DDHD1: variants seen among roughly 807,000 people sequenced by gnomAD.
DDHD1 encodes phospholipase DDHD1.
DDHD1 carries 49 observed loss-of-function variants against 96.4 expected under a neutral mutation model. The ratio of observed to expected loss-of-function variants is 0.51; its 90% CI spans 0.40 to 0.64. DDHD1 has a LOEUF of 0.64. Among genes scored for constraint, DDHD1 ranks in the 30% least tolerant of loss-of-function variants. The pLI is 0.00. For synonymous variants in DDHD1, 442 were observed against 446.5 expected (o/e 0.99, Z 0.13); for missense variants, 1,106 against 1,161.2 (o/e 0.95, Z 0.69).
rs565191591 is a variant in DDHD1, at chr14:53,095,586, C to G, written c.1013-2142G>C. ...ACATTACTAACACTGTACACCAGATCAAGATTCAATTAACATAATAAACAT... is the reference window on the plus strand; with the variant it reads ...ACATTACTAACACTGTACACCAGATGAAGATTCAATTAACATAATAAACAT... On this transcript the variant is annotated intron_variant, in intron 2 of 12. Transcript: ENST00000673822. 1.2e-4 allele frequency among the ~76,000 whole-genome samples: 18 copies of G among 152,230 alleles called. No homozygotes were observed. In the South Asian group the frequency reaches 3.5e-3, roughly 30 times the overall value.
intron 9 of DDHD1, among the ~76,000 whole-genome samples, chr14:53,056,367 A>C (rs1883056322): frequency 6.6e-6 from 1 of 152,244 alleles, no homozygotes; most frequent in Non-Finnish European, 1.5e-5. Context: ...TGAAGTAGCA[A>C]TGAGACAGCA....
intron 6 of DDHD1, among the ~76,000 whole-genome samples, chr14:53,068,584 T>C (rs907786072): frequency 2.6e-5 from 4 of 152,234 alleles, no homozygotes; most frequent in African/African-American, 4.8e-5. Context: ...ACAGTCTCAT[T>C]GCTACTTTTT....
chr14:53,152,120 G>C, intron 1 of DDHD1, 141 bp downstream of exon 1: 1 of 847,208 alleles, frequency 1.2e-6, no homozygotes, highest in Non-Finnish European at 1.7e-6. Context: ...GACGCTCCCT[G>C]CTCAATCTCC....
intron 1 of DDHD1, among the ~76,000 whole-genome samples, chr14:53,150,999 T>A (rs1470578130): frequency 6.6e-6 from 1 of 152,222 alleles, no homozygotes; most frequent in Non-Finnish European, 1.5e-5. Context: ...TTCCTGCTAT[T>A]ATTTTATTTG....
intron 6 of DDHD1, among the ~76,000 whole-genome samples, chr14:53,069,034 T>C (rs1884293759): frequency 6.6e-6 from 1 of 152,224 alleles, no homozygotes; most frequent in African/African-American, 2.4e-5. Flanking sequence ...ACTTATAATT[T>C]TTTCAATGAT....
intron 4 of DDHD1, among the ~76,000 whole-genome samples, chr14:53,085,790 G>C (rs1170520585): frequency 6.6e-6 from 1 of 152,316 alleles, no homozygotes; most frequent in African/African-American, 2.4e-5. Flanking sequence ...AAGCTGGACA[G>C]AGAATGACTT....
intron 1 of DDHD1, among the ~76,000 whole-genome samples, chr14:53,125,597 T>C (rs1595226079): frequency 1.3e-5 from 2 of 152,200 alleles, no homozygotes; most frequent in Admixed American, 1.3e-4. Flanking sequence ...CATTCAAACT[T>C]TTCTATTTTC....
chr14:53,135,136 A>G (rs1890138530), intron 1 of DDHD1, among the ~76,000 whole-genome samples: 1 of 152,208 alleles, frequency 6.6e-6, no homozygotes, highest in South Asian at 2.1e-4. Context: ...CAGGCCTCTG[A>G]GCCCAAGCTA....
At chr14:53,076,109 T>C (rs1167587387) in intron 4 of DDHD1, among the ~76,000 whole-genome samples, 1 of 152,152 alleles carries the variant, frequency 6.6e-6, no homozygotes, top group African/African-American at 2.4e-5. Context: ...AAGCCTTATA[T>C]TTAAGAAACA....
chr14:53,093,148 CAT>C lies in DDHD1; in HGVS notation c.1141+166_1141+167del, dbSNP rs372306013. On this transcript the variant is annotated intron_variant, in intron 3 of 12. Transcript: ENST00000673822. ...TATAATAATTATTCCTTGATGAACA[CAT>C]GTCAACTCAATCAACTTAATAAAAG... 3,975 of 509,690 alleles carry C rather than the reference CAT, an allele frequency of 7.8e-3. 30 individuals are homozygous for C. The highest frequency in any genetic ancestry group is 9.7e-3 in the Non-Finnish European group (3,066 of 317,188). 31.6% of individuals were successfully genotyped at this position (509,690 alleles called of 1,614,324 possible).
At chr14:53,118,869 AC>A (rs1442821320) in intron 1 of DDHD1, among the ~76,000 whole-genome samples, 1 of 152,160 alleles carries the variant, frequency 6.6e-6, no homozygotes, top group Non-Finnish European at 1.5e-5. Flanking sequence ...TGTCAGATTC[AC>A]CAAGGTTGAA....
chr14:53,078,425 C>T (rs758240730), intron 4 of DDHD1, among the ~76,000 whole-genome samples: 24 of 152,166 alleles, frequency 1.6e-4, no homozygotes, highest in South Asian at 6.2e-4. Context: ...TATCCTATTT[C>T]GACAAATGTC....
At chr14:53,131,330 C>T (rs1051399017) in intron 1 of DDHD1, among the ~76,000 whole-genome samples, 1 of 152,266 alleles carries the variant, frequency 6.6e-6, no homozygotes, top group South Asian at 2.1e-4. Context: ...CAATCACATG[C>T]CCATTACTAT....
At chr14:53,121,897 G>A (rs541695453) in intron 1 of DDHD1, among the ~76,000 whole-genome samples, 53 of 144,448 alleles carry the variant, frequency 3.7e-4, no homozygotes, top group Non-Finnish European at 6.9e-4. Flanking sequence ...AAACCTGCAC[G>A]TTCTGCGCAT....
chr14:53,076,561 G>A (rs367771624), intron 4 of DDHD1, among the ~76,000 whole-genome samples: 1 of 152,184 alleles, frequency 6.6e-6, no homozygotes, highest in African/African-American at 2.4e-5. Flanking sequence ...ATAAGGCAGT[G>A]GCAGGGTTTG....
rs906547769 is a variant in DDHD1, at chr14:53,042,174, T to G, written c.*4594A>C. On this transcript the variant is annotated 3_prime_UTR_variant, in exon 13 of 13. Transcript: ENST00000673822. ...AATTAAAAAATATGGTTAAATAAAT[T>G]TGGAGGCCCCCACGCAGCACCAGAT... The G allele has an allele frequency of 6.6e-6, 1 of 152,108 alleles. No homozygotes were observed. Among genetic ancestry groups the G allele is most frequent in the Non-Finnish European group, 1.5e-5 (1 of 68,010 alleles). 9.4% of individuals were successfully genotyped at this position (152,108 alleles called of 1,614,324 possible). A position where few individuals can be genotyped will look rare whatever the true frequency, so the allele number is the denominator to read the frequency against.
intron 8 of DDHD1, 73 bp from the exon 9 acceptor site, chr14:53,058,699 T>C: frequency 7.5e-7 from 1 of 1,327,280 alleles, no homozygotes; most frequent in Non-Finnish European, 1.0e-6. Context: ...GGGCATAACG[T>C]AATATATGGC....
intron 6 of DDHD1, among the ~76,000 whole-genome samples, chr14:53,066,944 G>A (rs1450552081): frequency 1.7e-5 from 2 of 119,750 alleles, no homozygotes; most frequent in Admixed American, 1.0e-4. Context: ...TCCTGCCTCC[G>A]TAAGAACCTG....
chr14:53,092,521 C>G (rs1886514635), intron 3 of DDHD1: 1 of 152,090 alleles, frequency 6.6e-6, no homozygotes, highest in South Asian at 2.1e-4. Flanking sequence ...ATCATTCTCT[C>G]TTTTCTTTCA....
Sources: allele counts gnomAD v4.1 joint callset (sites outside exome capture counted in the v4.1 genomes callset), GRCh38; gene constraint gnomAD v4.1.1; transcripts MANE v1.5; gene names NCBI Gene and HGNC (gene_info 2026-07-23, HGNC 2026-07-21).